Variants in CTNND2 observed in about 807,000 individuals in gnomAD.
CTNND2 encodes the protein catenin delta-2.
A neutral mutation model predicts 144.4 loss-of-function variants in CTNND2; 22 were observed. That is an observed-to-expected ratio of 0.15 (90% CI 0.11 to 0.22). CTNND2 has a LOEUF of 0.22. CTNND2 is among the 10% of genes least tolerant of loss of function. CTNND2 has a pLI of 1.00. For synonymous variants in CTNND2, 751 were observed against 695.6 expected (o/e 1.08, Z -1.25); for missense variants, 1,353 against 1,618.8 (o/e 0.84, Z 2.82).
chr5:11,571,212 T>C (rs930130510), intron 2 of CTNND2, among the ~76,000 whole-genome samples: 1 of 152,178 alleles, frequency 6.6e-6, no homozygotes, highest in Non-Finnish European at 1.5e-5. Flanking sequence ...TAAATATGTA[T>C]TTTTGAAGGT....
intron 3 of CTNND2, among the ~76,000 whole-genome samples, chr5:11,527,533 C>T (rs1773366480): frequency 6.6e-6 from 1 of 151,694 alleles, no homozygotes; most frequent in African/African-American, 2.4e-5. Flanking sequence ...TTTGCTCCAT[C>T]TCAGCCCCTT....
At chr5:11,638,079 T>C (rs1169229357) in intron 2 of CTNND2, among the ~76,000 whole-genome samples, 1 of 152,200 alleles carries the variant, frequency 6.6e-6, no homozygotes, top group African/African-American at 2.4e-5. Flanking sequence ...AATATATTCT[T>C]AGTACTTTAA....
intron 8 of CTNND2, among the ~76,000 whole-genome samples, chr5:11,358,064 C>T (rs73742810): frequency 0.024 from 3,684 of 152,196 alleles, 121 homozygotes; most frequent in African/African-American, 0.072. Flanking sequence ...GGCTTCTATT[C>T]TTTTCAACAT....
At chr5:11,470,458 A>G (rs1002237659) in intron 3 of CTNND2, among the ~76,000 whole-genome samples, 5 of 152,260 alleles carry the variant, frequency 3.3e-5, no homozygotes, top group African/African-American at 1.2e-4. Context: ...TTGAGAAGAT[A>G]GTACAGAGAG....
intron 14 of CTNND2, among the ~76,000 whole-genome samples, chr5:11,104,873 G>A (rs1561309235): frequency 6.6e-6 from 1 of 152,216 alleles, no homozygotes; most frequent in Non-Finnish European, 1.5e-5. Context: ...GCAGGATGAG[G>A]TGCTGTCTGA....
intron 10 of CTNND2, among the ~76,000 whole-genome samples, chr5:11,204,132 G>A: frequency 6.6e-6 from 1 of 152,174 alleles, no homozygotes; most frequent in East Asian, 1.9e-4. Flanking sequence ...TAAGGGAGGT[G>A]GAGGCTGGTA....
At chr5:10,996,891 C>T (rs1234912091) in intron 18 of CTNND2, among the ~76,000 whole-genome samples, 1 of 152,086 alleles carries the variant, frequency 6.6e-6, no homozygotes, top group Non-Finnish European at 1.5e-5. Context: ...GCCACTGTGC[C>T]CGGCCAATTT....
At chr5:11,503,323 G>A (rs150731631) in intron 3 of CTNND2, among the ~76,000 whole-genome samples, 17 of 152,230 alleles carry the variant, frequency 1.1e-4, no homozygotes, top group African/African-American at 2.9e-4. Context: ...TATACTGCTC[G>A]GACAAAAACA....
At chr5:11,410,350 T>C (rs1182555544) in intron 5 of CTNND2, among the ~76,000 whole-genome samples, 1 of 152,168 alleles carries the variant, frequency 6.6e-6, no homozygotes, top group Non-Finnish European at 1.5e-5. Context: ...ACAAAGATTA[T>C]AGAGAAAATG....
chr5:11,899,369 T>G (rs183313451), intron 1 of CTNND2, among the ~76,000 whole-genome samples: 2 of 152,344 alleles, frequency 1.3e-5, no homozygotes, highest in Admixed American at 6.5e-5. Context: ...ATATCAAAGT[T>G]TTGTAATTTC....
chr5:11,717,513 G>T (rs1030449361), intron 2 of CTNND2, among the ~76,000 whole-genome samples: 1 of 151,366 alleles, frequency 6.6e-6, no homozygotes, highest in African/African-American at 2.4e-5. Context: ...GGGGGCAGAG[G>T]TTGCAGTGAG....
intron 3 of CTNND2, among the ~76,000 whole-genome samples, chr5:11,456,482 G>C (rs1402216958): frequency 6.6e-6 from 1 of 152,120 alleles, no homozygotes; most frequent in African/African-American, 2.4e-5. Context: ...TGACCCAGCA[G>C]AGAACTACGT....
At chr5:11,695,071 T>C (rs562574331) in intron 2 of CTNND2, among the ~76,000 whole-genome samples, 1 of 152,296 alleles carries the variant, frequency 6.6e-6, no homozygotes, top group East Asian at 1.9e-4. Context: ...ATATGCTAGA[T>C]GAGGTTAAGT....
At chr5:11,075,010 G>A (rs1365911858) in intron 16 of CTNND2, among the ~76,000 whole-genome samples, 1 of 151,740 alleles carries the variant, frequency 6.6e-6, no homozygotes, top group Admixed American at 6.6e-5. Context: ...GATCCATGTG[G>A]GGAAAGGAAT....
intron 1 of CTNND2, among the ~76,000 whole-genome samples, chr5:11,807,442 G>C (rs1006374212): frequency 6.6e-6 from 1 of 152,028 alleles, no homozygotes; most frequent in African/African-American, 2.4e-5. Context: ...TTTAACTTAC[G>C]TGATATTCAG....
At chr5:11,217,159 G>A (rs898113550) in intron 10 of CTNND2, among the ~76,000 whole-genome samples, 30 of 152,070 alleles carry the variant, frequency 2.0e-4, no homozygotes, top group African/African-American at 6.5e-4. Context: ...TTTCAATGAC[G>A]GAAGACAGAA....
chr5:11,782,351 A>C (rs1273060077), intron 1 of CTNND2, among the ~76,000 whole-genome samples: 2 of 152,188 alleles, frequency 1.3e-5, no homozygotes, highest in Non-Finnish European at 2.9e-5. Context: ...AAATACAAAA[A>C]AAAAGCTGAC....
intron 3 of CTNND2, among the ~76,000 whole-genome samples, chr5:11,562,000 C>G (rs1016968884): frequency 6.6e-6 from 1 of 151,844 alleles, no homozygotes; most frequent in African/African-American, 2.4e-5. Context: ...AAGCCGAGAT[C>G]GTGCCACAGT....
chr5:11,646,184 T>C (rs1782338669), intron 2 of CTNND2, among the ~76,000 whole-genome samples: 1 of 152,194 alleles, frequency 6.6e-6, no homozygotes, highest in South Asian at 2.1e-4. Context: ...TTTTTCCTTC[T>C]TTATTACTGT....
Sources: gnomAD v4.1 joint callset for allele counts (sites outside exome capture counted in the v4.1 genomes callset) on GRCh38, gnomAD v4.1.1 for gene constraint, MANE v1.5 for transcripts, NCBI Gene and HGNC (gene_info 2026-07-23, HGNC 2026-07-21) for gene names.